The following HSD17B3 variants were observed in gnomAD, a reference collection of about 807,000 sequenced individuals.
The protein encoded by HSD17B3 is hydroxysteroid 17-beta dehydrogenase 3.
Under a neutral mutation model 41.1 loss-of-function variants are expected in HSD17B3, and 29 were observed. The observed-to-expected ratio is 0.71, with a 90% CI of 0.53 to 0.96. The LOEUF (loss-of-function observed/expected upper bound fraction) is 0.96, where lower values mean the gene tolerates loss of function less well. Ranked by LOEUF, HSD17B3 falls within the 40% of genes least tolerant of loss-of-function variation. The probability of loss-of-function intolerance (pLI) is 0.00; values close to 1 mark genes in which losing one functional copy is unlikely to be tolerated. For synonymous variants in HSD17B3, 126 were observed against 145.6 expected, an observed-to-expected ratio of 0.87 and a Z score of 0.97; for missense variants, 323 against 374.6, an observed-to-expected ratio of 0.86 and a Z score of 1.14.
At chr9:96,298,551 C>G (rs1228218710) in intron 1 of HSD17B3, 89 bp from the exon 2 acceptor site, 2 of 1,096,578 alleles carry the variant, frequency 1.8e-6, no homozygotes, top group African/African-American at 3.1e-5. Flanking sequence ...AGCCTAGTCT[C>G]CAGGGCAGTC....
In HSD17B3 at chr9:96,235,553, C is replaced by A; in HGVS notation, c.840G>T (p.Leu280=). The A allele has an allele frequency of 6.2e-7, 1 of 1,614,034 alleles. No homozygotes were observed. The highest frequency in any genetic ancestry group is 8.5e-7 in the Non-Finnish European group (1 of 1,179,992). The change falls in exon 11 of 11, where the codon CTG becomes CTT. Residue 280 remains leucine (L), a synonymous_variant. Coordinates refer to ENST00000375263, the MANE Select transcript of HSD17B3 (RefSeq NM_000197.2). ...CGCTGTAGAAGGCCCAGGCCGGGAT[C>A]AGGCTCAGAAAGCCCGCCTTAAACA... ...AHEILAGFLS[L]IPAWAFYSGA... is the part of the protein sequence containing the mutation.
chr9:96,271,815 TCTTA>T (rs2130762357), intron 2 of HSD17B3, among the ~76,000 whole-genome samples: 1 of 152,304 alleles, frequency 6.6e-6, no homozygotes, highest in South Asian at 2.1e-4. Context: ...AGAATTTTTT[TCTTA>T]CTTTTTCTGA....
intron 2 of HSD17B3, among the ~76,000 whole-genome samples, chr9:96,257,915 C>T (rs772116634): frequency 2.0e-5 from 3 of 152,168 alleles, no homozygotes; most frequent in East Asian, 1.9e-4. Context: ...CTTCCTGCCT[C>T]GGCCTCCCAA....
intron 5 of HSD17B3, chr9:96,250,429 G>C: frequency 9.4e-7 from 1 of 1,067,082 alleles, no homozygotes; most frequent in Non-Finnish European, 1.1e-6. Context: ...CGCCCAAGCA[G>C]TCTGGCATTA....
At chr9:96,292,232 G>A (rs553402292) in intron 2 of HSD17B3, among the ~76,000 whole-genome samples, 82 of 152,072 alleles carry the variant, frequency 5.4e-4, no homozygotes, top group Non-Finnish European at 8.7e-4. Context: ...AAATTGAACA[G>A]AATCTCAAGG....
At chr9:96,282,915 T>C (rs1401468750) in intron 2 of HSD17B3, among the ~76,000 whole-genome samples, 1 of 151,946 alleles carries the variant, frequency 6.6e-6, no homozygotes, top group Non-Finnish European at 1.5e-5. Context: ...GTAAACATAT[T>C]GGCTAAAATA....
Position 96,302,163 on chromosome 9 carries a change from G to A in HSD17B3, c.-59C>T, listed in dbSNP as rs1220981057. On this transcript the variant is annotated 5_prime_UTR_variant, in exon 1 of 11. Coordinates refer to ENST00000375263, the MANE Select transcript of HSD17B3 (RefSeq NM_000197.2). Reference sequence around the variant, plus strand: ...GTGGCTCTCTGTGTATGCCTCCTGGGACCACGCTGCTCTGGAGACCTCCAG... The same window carrying A: ...GTGGCTCTCTGTGTATGCCTCCTGGAACCACGCTGCTCTGGAGACCTCCAG... 1 of 1,571,880 alleles carries A rather than the reference G, an allele frequency of 6.4e-7. No individual in the cohort carries two copies. The highest frequency in any genetic ancestry group is 2.3e-5 in the East Asian group (1 of 43,348).
At chr9:96,245,802 C>T (rs1836640007) in intron 7 of HSD17B3, among the ~76,000 whole-genome samples, 1 of 152,196 alleles carries the variant, frequency 6.6e-6, no homozygotes, top group South Asian at 2.1e-4. Flanking sequence ...ACCACATGAG[C>T]TGCCGGTCCC....
At chr9:96,252,682 A>G in intron 4 of HSD17B3, 121 bp downstream of exon 4, 1 of 736,590 alleles carries the variant, frequency 1.4e-6, no homozygotes, top group Middle Eastern at 3.7e-4. Flanking sequence ...TTAATGGGAC[A>G]GCTTAAAATA....
intron 5 of HSD17B3, 159 bp from the exon 6 acceptor site, chr9:96,249,945 C>A: frequency 6.6e-7 from 1 of 1,521,458 alleles, no homozygotes; most frequent in Non-Finnish European, 8.8e-7. Flanking sequence ...TTCCAGCAAG[C>A]ATGTACTAGC....
In HSD17B3 at chr9:96,286,269, G is replaced by A. The variant is rs139148540; in HGVS notation, c.201+12147C>T. ...TGAGGCAGGAGAATCACTTTAACCCGGGAGGCGGAGGTTGCAGTGAGCCAA... is the reference window on the plus strand; with the variant it reads ...TGAGGCAGGAGAATCACTTTAACCCAGGAGGCGGAGGTTGCAGTGAGCCAA... On this transcript the variant is annotated intron_variant, in intron 2 of 10. Coordinates refer to ENST00000375263, the MANE Select transcript of HSD17B3 (RefSeq NM_000197.2). 2.9e-4 allele frequency among the ~76,000 whole-genome samples: 44 copies of A among 151,728 alleles called. No individual in the cohort carries two copies. The East Asian group carries it at 6.1e-3, about 21-fold the overall frequency.
chr9:96,300,713 C>CA (rs772882444), intron 1 of HSD17B3, among the ~76,000 whole-genome samples: 3 of 152,034 alleles, frequency 2.0e-5, no homozygotes, highest in Non-Finnish European at 4.4e-5. Context: ...ACCATGGCCT[C>CA]ATGCTCTTCA....
chr9:96,286,565 C>T (rs185461678), intron 2 of HSD17B3, among the ~76,000 whole-genome samples: 1 of 152,122 alleles, frequency 6.6e-6, no homozygotes, highest in Non-Finnish European at 1.5e-5. Context: ...TGGCACATGC[C>T]TGTAATCCCA....
At chr9:96,255,601 G>T (rs1246810303) in intron 2 of HSD17B3, among the ~76,000 whole-genome samples, 1 of 151,816 alleles carries the variant, frequency 6.6e-6, no homozygotes, top group East Asian at 1.9e-4. Context: ...TGTTGGCCAG[G>T]CTGGTCTCCA....
At chr9:96,261,856 G>A (rs1247648445) in intron 2 of HSD17B3, among the ~76,000 whole-genome samples, 3 of 152,200 alleles carry the variant, frequency 2.0e-5, no homozygotes, top group African/African-American at 7.2e-5. Context: ...AAACACCATG[G>A]CACTGTCTTC....
chr9:96,284,841 AT>A (rs35535710), intron 2 of HSD17B3, among the ~76,000 whole-genome samples: 192 of 145,916 alleles, frequency 1.3e-3, no homozygotes, highest in African/African-American at 3.7e-3. Flanking sequence ...ATCAAAGCCA[AT>A]TTTTTTTTTT....
rs2066478 is a variant in HSD17B3 at position 96,298,422 on chromosome 9, C to T, written c.195G>A (p.Ser65=). The part of the protein sequence containing the change: ...GAGDGIGKAY[S]FELAKRGLNV... Reference sequence around the variant, plus strand: ...CCCCAGGAAGATAGCTTACCTCGAACGAGTACGCTTTCCCAATTCCATCGC... The same window carrying T: ...CCCCAGGAAGATAGCTTACCTCGAATGAGTACGCTTTCCCAATTCCATCGC... The change falls in exon 2 of 11, where the codon TCG becomes TCA. Residue 65 remains serine, a synonymous_variant. Transcript: ENST00000375263. 0.012 allele frequency: 18,618 copies of T among 1,613,320 alleles called. 384 individuals are homozygous for T. Among genetic ancestry groups the T allele is most frequent in the South Asian group, 0.064 (5,866 of 91,050 alleles).
chr9:96,300,618 T>C (rs1205750405), intron 1 of HSD17B3, among the ~76,000 whole-genome samples: 2 of 101,466 alleles, frequency 2.0e-5, no homozygotes, highest in Non-Finnish European at 4.2e-5. Context: ...TGTGTGTGTG[T>C]GTGTGTGTGT....
intron 2 of HSD17B3, among the ~76,000 whole-genome samples, chr9:96,277,822 T>TTAAC (rs1826526413): frequency 7.5e-6 from 1 of 133,076 alleles, no homozygotes. Context: ...AACAGATGAA[T>TTAAC]AAGGAAAATG....
Sources: allele counts gnomAD v4.1 joint callset (sites outside exome capture counted in the v4.1 genomes callset), GRCh38; gene constraint gnomAD v4.1.1; transcripts MANE v1.5; gene names NCBI Gene and HGNC (gene_info 2026-07-23, HGNC 2026-07-21).